RAB5C: variants seen among roughly 807,000 people sequenced by gnomAD.
The protein encoded by RAB5C is ras-related protein Rab-5C.
Under a neutral mutation model 25.2 loss-of-function variants are expected in RAB5C, and 4 were observed. That is an observed-to-expected ratio of 0.16 (90% CI 0.08 to 0.36). The LOEUF (loss-of-function observed/expected upper bound fraction) is 0.36. Ranked by LOEUF, RAB5C falls within the 10% of genes least tolerant of loss-of-function variation. The pLI is 1.00. For missense variants in RAB5C, 199 were observed against 283.8 expected (o/e 0.70, Z 2.15); for synonymous variants, 100 against 106.4 (o/e 0.94, Z 0.37).
chr17:42,151,785 A>T (rs2079673336), intron 1 of RAB5C, among the ~76,000 whole-genome samples: 1 of 152,166 alleles, frequency 6.6e-6, no homozygotes, highest in Non-Finnish European at 1.5e-5. Flanking sequence ...GGGACTCCTA[A>T]CTGTTTTGGT....
chr17:42,143,037 C>G (rs2079611958), intron 1 of RAB5C, among the ~76,000 whole-genome samples: 1 of 152,126 alleles, frequency 6.6e-6, no homozygotes, highest in South Asian at 2.1e-4. Context: ...CAAATCAGAC[C>G]ATTTTTTGGA....
intron 1 of RAB5C, among the ~76,000 whole-genome samples, chr17:42,145,606 C>T (rs926845748): frequency 2.0e-5 from 3 of 152,192 alleles, no homozygotes; most frequent in Non-Finnish European, 4.4e-5. Context: ...CCAGCCTGGA[C>T]ATCATGGTGA....
chr17:42,148,141 T>C (rs1216640592), intron 1 of RAB5C, among the ~76,000 whole-genome samples: 2 of 151,224 alleles, frequency 1.3e-5, no homozygotes, highest in African/African-American at 4.9e-5. Flanking sequence ...CTGGGCACAG[T>C]GGCTCATGCC....
chr17:42,125,756 C>CGGGGGCA lies in RAB5C; in HGVS notation c.*20_*26dup, dbSNP rs1218241738. On this transcript the variant is annotated 3_prime_UTR_variant, in exon 6 of 6. Coordinates refer to ENST00000346213, the MANE Select transcript of RAB5C (RefSeq NM_004583.4). The stretch of plus-strand genomic sequence containing the variant: ...AGTCGGGTCATTCAGGCGGAGGAGG[C>CGGGGGCA]GGGGGCAGCGGGCAGGCAAGGGGGG... The CGGGGGCA allele has an allele frequency of 6.6e-7, 1 of 1,514,084 alleles. No homozygotes were observed. Among genetic ancestry groups the CGGGGGCA allele is most frequent in the East Asian group, 2.3e-5 (1 of 42,630 alleles). The allele number at this position is 1,514,084 out of a possible 1,614,324, so 93.8% of individuals were successfully genotyped here. A position where few individuals can be genotyped will look rare whatever the true frequency, so the allele number is the denominator to read the frequency against.
rs202098551 is a variant in RAB5C, at chr17:42,130,392, G to A, written c.111C>T (p.Leu37=). Residue 37 remains leucine (L), a synonymous_variant, in exon 2 of 6, where the codon CTC becomes CTT. Transcript: ENST00000346213. ...LGESAVGKSS[L]VLRFVKGQFH... is the part of the protein sequence containing the mutation. Reference sequence around the variant, plus strand: ...ACTGTCCCTTGACAAAGCGGAGGACGAGGCTGGATTTGCCTACCGCAGACT... The same window carrying A: ...ACTGTCCCTTGACAAAGCGGAGGACAAGGCTGGATTTGCCTACCGCAGACT... The A allele has an allele frequency of 3.0e-5, 48 of 1,614,064 alleles. No individual in the cohort carries two copies. In the East Asian group the frequency reaches 8.0e-4, roughly 27 times the overall value.
intron 1 of RAB5C, among the ~76,000 whole-genome samples, chr17:42,146,718 C>T (rs1015126136): frequency 6.6e-6 from 1 of 150,590 alleles, no homozygotes; most frequent in African/African-American, 2.5e-5. Context: ...CACTGCACTC[C>T]AGCCTGGGAA....
At chr17:42,126,984 A>G in intron 4 of RAB5C, 136 bp from the exon 5 acceptor site, 1 of 525,604 alleles carries the variant, frequency 1.9e-6, no homozygotes, top group Non-Finnish European at 3.5e-6. Context: ...AGGAGTTTTC[A>G]GGCCTAAGGC....
chr17:42,153,261 C>T (rs1444696753), intron 1 of RAB5C, among the ~76,000 whole-genome samples: 2 of 151,964 alleles, frequency 1.3e-5, no homozygotes, highest in Non-Finnish European at 2.9e-5. Flanking sequence ...ACTAAAAATA[C>T]AAAAATTAGC....
intron 1 of RAB5C, among the ~76,000 whole-genome samples, chr17:42,144,435 C>A (rs1208422442): frequency 2.0e-5 from 3 of 151,836 alleles, no homozygotes; most frequent in African/African-American, 7.3e-5. Context: ...CCAGCCTGGG[C>A]AACAAGAGCA....
chr17:42,145,838 C>G (rs2079632028), intron 1 of RAB5C, among the ~76,000 whole-genome samples: 1 of 152,192 alleles, frequency 6.6e-6, no homozygotes. Context: ...GAGTCTCATT[C>G]TGTCTCCAGC....
At chr17:42,138,199 A>G (rs1249891609) in intron 1 of RAB5C, among the ~76,000 whole-genome samples, 1 of 152,040 alleles carries the variant, frequency 6.6e-6, no homozygotes, top group Non-Finnish European at 1.5e-5. Context: ...CTGCAGAGGA[A>G]AGGGGGGTTT....
chr17:42,130,250 C>G, intron 2 of RAB5C, 87 bp downstream of exon 2: 1 of 1,512,174 alleles, frequency 6.6e-7, no homozygotes, highest in South Asian at 1.3e-5. Flanking sequence ...GTCCCTAATG[C>G]AGGCAGGCAG....
chr17:42,126,745 A>T lies in RAB5C; in HGVS notation c.535+10T>A, dbSNP rs759562334. ...GTGGTGGAGAGAGGAGGGGAGGAGA[A>T]GCAACTGACCTATTGCCATGAAGAT... On this transcript the variant is annotated intron_variant, in intron 5 of 5. Coordinates refer to ENST00000346213, the MANE Select transcript of RAB5C (RefSeq NM_004583.4). 7 of 1,599,074 alleles carry T rather than the reference A, an allele frequency of 4.4e-6. No homozygotes were observed. The African/African-American group carries it at 9.4e-5, about 21-fold the overall frequency.
At chr17:42,136,179 G>C (rs1381829984) in intron 1 of RAB5C, 2 of 152,212 alleles carry the variant, frequency 1.3e-5, no homozygotes, top group Non-Finnish European at 2.9e-5. Context: ...AAAGGCTAAA[G>C]TGGAAGACAT....
At chr17:42,144,177 C>A (rs2079618341) in intron 1 of RAB5C, among the ~76,000 whole-genome samples, 1 of 152,166 alleles carries the variant, frequency 6.6e-6, no homozygotes, top group South Asian at 2.1e-4. Context: ...GGAGAATAGG[C>A]CAGGCGCAGT....
At chr17:42,146,970 A>T (rs901649029) in intron 1 of RAB5C, among the ~76,000 whole-genome samples, 2 of 151,848 alleles carry the variant, frequency 1.3e-5, no homozygotes, top group African/African-American at 4.8e-5. Context: ...ACTGCACTCC[A>T]GCCTGGGCGA....
Position 42,130,750 on chromosome 17 carries a change from C to A in RAB5C, c.-88-160G>T, listed in dbSNP as rs957975052. ...CCTCCCCACTAGAGGTCAGGAGGCC[C>A]CACTGGGCTATACTAGATGTCTACC... On this transcript the variant is annotated intron_variant, in intron 1 of 5. Transcript: ENST00000346213. 1.3e-5 allele frequency among the ~76,000 whole-genome samples: 2 copies of A among 151,706 alleles called. 1 individual carries two copies. Among genetic ancestry groups the A allele is most frequent in the South Asian group, 4.2e-4 (2 of 4,784 alleles).
rs1338696597 is a variant in RAB5C, at chr17:42,132,928, T to C, written c.-88-2338A>G. On this transcript the variant is annotated intron_variant, in intron 1 of 5. Coordinates refer to ENST00000346213, the MANE Select transcript of RAB5C (RefSeq NM_004583.4). ...GTGACAGAACCCCCCAGACCCACCA[T>C]AGACATGATGCCATCCTCCCTGCTG... is the stretch of plus-strand genomic sequence containing the variant. Among the ~76,000 whole-genome samples the C allele has an allele frequency of 4.6e-5, 7 of 152,312 alleles. No individual in the cohort carries two copies. The East Asian group carries it at 9.6e-4, about 21-fold the overall frequency.
chr17:42,145,704 C>T (rs1040710190), intron 1 of RAB5C, among the ~76,000 whole-genome samples: 2 of 152,118 alleles, frequency 1.3e-5, no homozygotes, highest in Non-Finnish European at 2.9e-5. Flanking sequence ...TGGCTTGAGC[C>T]GAGATTGCAC....
Sources: gnomAD v4.1 joint callset for allele counts (sites outside exome capture counted in the v4.1 genomes callset) on GRCh38, gnomAD v4.1.1 for gene constraint, MANE v1.5 for transcripts, NCBI Gene and HGNC (gene_info 2026-07-23, HGNC 2026-07-21) for gene names.